The following VAC14 variants were observed in gnomAD, a reference collection of about 807,000 sequenced individuals.
VAC14 encodes protein VAC14 homolog.
In VAC14, 47 loss-of-function variants were observed where a neutral mutation model predicts 85.3. The observed-to-expected ratio is 0.55, with a 90% CI of 0.44 to 0.70. The LOEUF (loss-of-function observed/expected upper bound fraction) is 0.70, where lower values mean the gene tolerates loss of function less well. Ranked by LOEUF, VAC14 falls within the 30% of genes least tolerant of loss-of-function variation. The pLI, the probability that VAC14 is intolerant of heterozygous loss-of-function variation, is 0.00. For synonymous variants in VAC14, 447 were observed against 430.5 expected (o/e 1.04, Z -0.47); for missense variants, 861 against 1,004.3 (o/e 0.86, Z 1.93).
intron 1 of VAC14, among the ~76,000 whole-genome samples, chr16:70,788,562 A>T (rs1012958917): frequency 3.3e-5 from 5 of 152,210 alleles, no homozygotes; most frequent in Non-Finnish European, 7.3e-5. Context: ...GGATGGTTCT[A>T]CATCAACTTG....
At chr16:70,688,125 G>A in intron 18 of VAC14, 35 bp from the exon 19 acceptor site, 1 of 1,503,220 alleles carries the variant, frequency 6.7e-7, no homozygotes, top group Non-Finnish European at 9.0e-7. Context: ...CAGTGTCAGG[G>A]ATCAGCTCAC....
chr16:70,774,842 T>C (rs2033440250), intron 9 of VAC14, among the ~76,000 whole-genome samples: 1 of 148,110 alleles, frequency 6.8e-6, no homozygotes, highest in South Asian at 2.2e-4. Context: ...GCCTCCCGGG[T>C]TCAAATGATT....
chr16:70,796,113 C>T (rs2034535262), intron 1 of VAC14, among the ~76,000 whole-genome samples: 1 of 152,186 alleles, frequency 6.6e-6, no homozygotes, highest in Non-Finnish European at 1.5e-5. Context: ...ACTGCCTTAT[C>T]CTATAGGAAA....
At chr16:70,690,260 C>T (rs955652745) in intron 18 of VAC14, 12 of 985,252 alleles carry the variant, frequency 1.2e-5, no homozygotes, top group East Asian at 1.1e-4. Flanking sequence ...GCTGTGTCAC[C>T]GGGGGTGGGT....
chr16:70,738,351 C>T (rs900629392), intron 13 of VAC14, among the ~76,000 whole-genome samples: 10 of 152,170 alleles, frequency 6.6e-5, no homozygotes, highest in Admixed American at 2.0e-4. Context: ...CGGCCTGGGT[C>T]GGCAGGACAG....
At chr16:70,783,697 G>A in intron 5 of VAC14, 143 bp from the exon 6 acceptor site, 1 of 790,712 alleles carries the variant, frequency 1.3e-6, no homozygotes, top group Non-Finnish European at 2.1e-6. Context: ...GTGGGAGGAG[G>A]GTGCTGGCAA....
At chr16:70,699,141 C>G (rs1442543656) in intron 14 of VAC14, 2 of 281,246 alleles carry the variant, frequency 7.1e-6, no homozygotes, top group South Asian at 4.7e-5. Context: ...CCTTCCTGAA[C>G]TCCCACATGT....
At chr16:70,727,767 G>C (rs561475801) in intron 14 of VAC14, among the ~76,000 whole-genome samples, 14 of 152,256 alleles carry the variant, frequency 9.2e-5, no homozygotes, top group Non-Finnish European at 1.9e-4. Flanking sequence ...CAGGAGCATG[G>C]GGAGGATGGA....
At chr16:70,780,563 C>G (rs1222560196) in intron 9 of VAC14, among the ~76,000 whole-genome samples, 3 of 152,242 alleles carry the variant, frequency 2.0e-5, no homozygotes, top group African/African-American at 7.2e-5. Flanking sequence ...CGGTTCCAGT[C>G]TTCACTAGCT....
At chr16:70,772,006 G>T in intron 10 of VAC14, 103 bp downstream of exon 10, 3 of 1,043,064 alleles carry the variant, frequency 2.9e-6, no homozygotes, top group Non-Finnish European at 4.4e-6. Context: ...AGCAGCAGCC[G>T]CGAGTAGAAT....
intron 14 of VAC14, among the ~76,000 whole-genome samples, chr16:70,710,587 C>T (rs1468347149): frequency 3.9e-5 from 6 of 152,196 alleles, no homozygotes; most frequent in Admixed American, 6.5e-5. Flanking sequence ...TTACTTCAGG[C>T]GACGATTCCC....
chr16:70,720,517 C>G (rs537532542), intron 14 of VAC14, among the ~76,000 whole-genome samples: 5 of 152,156 alleles, frequency 3.3e-5, no homozygotes, highest in Admixed American at 3.3e-4. Flanking sequence ...GACAGTGTCT[C>G]GGGCACGGTG....
chr16:70,744,615 C>T (rs2030690906), intron 12 of VAC14, 36 bp from the exon 13 acceptor site: 1 of 1,552,862 alleles, frequency 6.4e-7, no homozygotes, highest in East Asian at 2.3e-5. Flanking sequence ...GATGAGCTCT[C>T]CGCTGAGAGC....
intron 1 of VAC14, among the ~76,000 whole-genome samples, chr16:70,789,949 C>T (rs956668734): frequency 6.6e-6 from 1 of 152,152 alleles, no homozygotes; most frequent in African/African-American, 2.4e-5. Flanking sequence ...GCGAAGGCCA[C>T]CCTGGAGCCA....
At chr16:70,751,831 G>A (rs1228604936) in intron 12 of VAC14, among the ~76,000 whole-genome samples, 1 of 152,228 alleles carries the variant, frequency 6.6e-6, no homozygotes. Flanking sequence ...GTAAACATGA[G>A]CTGCAGAAGG....
intron 14 of VAC14, among the ~76,000 whole-genome samples, chr16:70,712,351 C>T (rs1410808050): frequency 6.6e-6 from 1 of 152,178 alleles, no homozygotes; most frequent in African/African-American, 2.4e-5. Flanking sequence ...TCCCTCCACT[C>T]CCCACCAGGA....
rs1340505108 is a variant in VAC14, at chr16:70,689,842, C to T, written c.2187-1752G>A. ...GCACAGTAACCTTGGGAACCAGGTG[C>T]CACTGCTCCAAGAGAGCAGCTTGGA... On this transcript the variant is annotated intron_variant, in intron 18 of 18. Coordinates refer to ENST00000261776, the MANE Select transcript of VAC14 (RefSeq NM_018052.5). The T allele has an allele frequency of 5.1e-6, 5 of 985,396 alleles. No individual in the cohort carries two copies. In the African/African-American group the frequency reaches 8.7e-5, roughly 17 times the overall value. The allele number at this position is 985,396 out of a possible 1,614,324, so 61.0% of individuals were successfully genotyped here. A position where few individuals can be genotyped will look rare whatever the true frequency, so the allele number is the denominator to read the frequency against.
At chr16:70,717,609 T>C (rs1039251688) in intron 14 of VAC14, among the ~76,000 whole-genome samples, 4 of 152,002 alleles carry the variant, frequency 2.6e-5, no homozygotes, top group Non-Finnish European at 5.9e-5. Flanking sequence ...GCTGGGTGGG[T>C]TGGGGGACAG....
At chr16:70,794,203 C>A (rs1362021279) in intron 1 of VAC14, among the ~76,000 whole-genome samples, 1 of 152,096 alleles carries the variant, frequency 6.6e-6, no homozygotes, top group African/African-American at 2.4e-5. Flanking sequence ...TGTATATTCA[C>A]GAAGCTGTGC....
Sources: allele counts gnomAD v4.1 joint callset (sites outside exome capture counted in the v4.1 genomes callset), GRCh38; gene constraint gnomAD v4.1.1; transcripts MANE v1.5; gene names NCBI Gene and HGNC (gene_info 2026-07-23, HGNC 2026-07-21).